MTHFD2L: variants seen among roughly 807,000 people sequenced by gnomAD.
The protein encoded by MTHFD2L is methylenetetrahydrofolate dehydrogenase (NADP+ dependent) 2 like, also known as bifunctional methylenetetrahydrofolate dehydrogenase/cyclohydrolase 2, mitochondrial.
MTHFD2L carries 29 observed loss-of-function variants against 34.9 expected under a neutral mutation model. That is an observed-to-expected ratio of 0.83 (90% CI 0.62 to 1.13). The LOEUF (loss-of-function observed/expected upper bound fraction) is 1.13, where lower values mean the gene tolerates loss of function less well. MTHFD2L is among the 50% of genes most tolerant of loss of function. The probability of loss-of-function intolerance (pLI) is 0.00; values close to 1 mark genes in which losing one functional copy is unlikely to be tolerated. For missense variants in MTHFD2L, 481 were observed against 446.5 expected (o/e 1.08, Z -0.70); for synonymous variants, 167 against 155.7 (o/e 1.07, Z -0.54).
intron 1 of MTHFD2L, among the ~76,000 whole-genome samples, chr4:74,166,973 C>G (rs1185039254): frequency 6.6e-6 from 1 of 152,038 alleles, no homozygotes. Context: ...GACTTGGGAC[C>G]AGACCCATTC....
At chr4:74,277,930 C>G (rs1402952366) in intron 6 of MTHFD2L, among the ~76,000 whole-genome samples, 2 of 151,996 alleles carry the variant, frequency 1.3e-5, no homozygotes, top group Non-Finnish European at 2.9e-5. Flanking sequence ...GTGACTATTT[C>G]TTACCCTCTG....
At chr4:74,180,547 C>T in intron 3 of MTHFD2L, 1 of 171,916 alleles carries the variant, frequency 5.8e-6, no homozygotes, top group Non-Finnish European at 1.3e-5. Flanking sequence ...TGTTTGAAGA[C>T]AGGTTTGCAT....
At chr4:74,208,287 T>TTTCAGTGCCTTCTAAA (rs1735694895) in intron 5 of MTHFD2L, among the ~76,000 whole-genome samples, 1 of 26,608 alleles carries the variant, frequency 3.8e-5, no homozygotes, top group Non-Finnish European at 1.1e-4. Flanking sequence ...ACTGTTTCAT[T>TTTCAGTGCCTTCTAAA]TTCAGTGTCT....
chr4:74,218,460 T>C (rs1173191868), intron 5 of MTHFD2L, among the ~76,000 whole-genome samples: 1 of 152,112 alleles, frequency 6.6e-6, no homozygotes, highest in Non-Finnish European at 1.5e-5. Flanking sequence ...ACTGAAAAAG[T>C]ATATGCAAGT....
Position 74,269,460 on chromosome 4 carries a change from T to G in MTHFD2L, c.806-11965T>G, listed in dbSNP as rs116338920. Among the ~76,000 whole-genome samples, 1,360 of 152,168 alleles carry G rather than the reference T, an allele frequency of 8.9e-3. 22 individuals are homozygous for G. The highest frequency in any genetic ancestry group is 0.031 in the African/African-American group (1,285 of 41,548). Reference sequence around the variant, plus strand: ...TAACTAATATGGGAGTTTTGAAAACTGCTAAATATCATAATGGGAGTTTAC... The same window carrying G: ...TAACTAATATGGGAGTTTTGAAAACGGCTAAATATCATAATGGGAGTTTAC... On this transcript the variant is annotated intron_variant, in intron 6 of 7. Transcript: ENST00000325278.
At chr4:74,215,751 G>A (rs1474299911) in intron 5 of MTHFD2L, among the ~76,000 whole-genome samples, 1 of 151,688 alleles carries the variant, frequency 6.6e-6, no homozygotes, top group Non-Finnish European at 1.5e-5. Flanking sequence ...GAATAGTGAA[G>A]AAAAAGGGGA....
chr4:74,237,291 AGAACCT>A (rs1740987793), intron 6 of MTHFD2L, among the ~76,000 whole-genome samples: 1 of 152,160 alleles, frequency 6.6e-6, no homozygotes, highest in African/African-American at 2.4e-5. Context: ...TACCTGGTGA[AGAACCT>A]TGCTTTTAGG....
intron 3 of MTHFD2L, among the ~76,000 whole-genome samples, chr4:74,193,179 C>T (rs1198806638): frequency 2.0e-5 from 3 of 152,118 alleles, no homozygotes; most frequent in East Asian, 3.8e-4. Flanking sequence ...TACAATATAG[C>T]TGCCTAGCTG....
At chr4:74,193,091 G>T (rs2110028484) in intron 3 of MTHFD2L, among the ~76,000 whole-genome samples, 1 of 152,114 alleles carries the variant, frequency 6.6e-6, no homozygotes, top group African/African-American at 2.4e-5. Context: ...TTTATGTTTA[G>T]ATTTCTAATT....
rs536252436 is a variant in MTHFD2L at position 74,189,517 on chromosome 4, T to G, written c.452-10277T>G. ...TTTTTTTTTTTTTTTTTTTAAAGAT[T>G]AATGGTTTACACTGGAAGGTGAGTA... is the stretch of plus-strand genomic sequence containing the variant. On this transcript the variant is annotated intron_variant, in intron 3 of 7. Coordinates refer to ENST00000325278, the MANE Select transcript of MTHFD2L (RefSeq NM_001144978.3). Among the ~76,000 whole-genome samples, 19 of 146,614 alleles carry G rather than the reference T, an allele frequency of 1.3e-4. No homozygotes were observed. In the South Asian group the frequency reaches 3.9e-3, roughly 30 times the overall value.
chr4:74,137,751 T>C (rs764050718), intron 1 of MTHFD2L, among the ~76,000 whole-genome samples: 27 of 152,158 alleles, frequency 1.8e-4, no homozygotes, highest in Non-Finnish European at 3.5e-4. Context: ...GTGGTACATA[T>C]ACACAATGGA....
At chr4:74,115,275 T>C (rs1721638827) in intron 2 of MTHFD2L, among the ~76,000 whole-genome samples, 1 of 152,240 alleles carries the variant, frequency 6.6e-6, no homozygotes, top group Non-Finnish European at 1.5e-5. Flanking sequence ...TTAGAATATT[T>C]ATTTAAGTAG....
At chr4:74,254,871 C>T (rs1743799622) in intron 6 of MTHFD2L, among the ~76,000 whole-genome samples, 1 of 151,928 alleles carries the variant, frequency 6.6e-6, no homozygotes, top group South Asian at 2.1e-4. Context: ...GCAGTGGCTC[C>T]TGCCTGTAAT....
At chr4:74,157,075 T>C (rs1724335250), upstream of MTHFD2L, 1 of 152,302 alleles carries the variant, frequency 6.6e-6, no homozygotes, top group Non-Finnish European at 1.5e-5. Context: ...GTGATTTAAG[T>C]GTTTTATCTA....
At chr4:74,147,755 G>T (rs1446902899) in intron 1 of MTHFD2L, among the ~76,000 whole-genome samples, 1 of 152,084 alleles carries the variant, frequency 6.6e-6, no homozygotes, top group Non-Finnish European at 1.5e-5. Flanking sequence ...TTGCGCTTTG[G>T]ATTTGCATTT....
chr4:74,171,151 A>G (rs1382908990), intron 1 of MTHFD2L, among the ~76,000 whole-genome samples: 2 of 152,200 alleles, frequency 1.3e-5, no homozygotes, highest in Non-Finnish European at 2.9e-5. Flanking sequence ...AAAAAAATTC[A>G]AAATAGGAAA....
At chr4:74,120,067 T>C (rs1721727192), upstream of MTHFD2L, among the ~76,000 whole-genome samples, 2 of 152,252 alleles carry the variant, frequency 1.3e-5, no homozygotes, top group African/African-American at 2.4e-5. Context: ...GACAGCATCA[T>C]ATCATTCGTA....
intron 6 of MTHFD2L, among the ~76,000 whole-genome samples, chr4:74,267,499 C>A (rs1355896909): frequency 1.3e-5 from 2 of 151,936 alleles, no homozygotes; most frequent in African/African-American, 4.8e-5. Context: ...CCACCGCCCA[C>A]CCCTGCCCAC....
At chr4:74,122,017 T>C (rs1721789805), upstream of MTHFD2L, among the ~76,000 whole-genome samples, 1 of 152,242 alleles carries the variant, frequency 6.6e-6, no homozygotes, top group South Asian at 2.1e-4. Context: ...ATTCCTGTTG[T>C]GTAAGCCACC....
Sources: gnomAD v4.1 joint callset for allele counts (sites outside exome capture counted in the v4.1 genomes callset) on GRCh38, gnomAD v4.1.1 for gene constraint, MANE v1.5 for transcripts, NCBI Gene and HGNC (gene_info 2026-07-23, HGNC 2026-07-21) for gene names.